Variants in IKBKE observed in about 807,000 individuals in gnomAD.
IKBKE encodes inhibitor of nuclear factor kappa-B kinase subunit epsilon.
Under a neutral mutation model 92.1 loss-of-function variants are expected in IKBKE, and 45 were observed. The ratio of observed to expected loss-of-function variants is 0.49; its 90% confidence interval spans 0.38 to 0.63. IKBKE has a LOEUF of 0.63. Among genes scored for constraint, IKBKE ranks in the 20% least tolerant of loss-of-function variants. The pLI is 0.00. For missense variants in IKBKE, 700 were observed against 932.8 expected, an observed-to-expected ratio of 0.75 and a Z score of 3.25; for synonymous variants, 374 against 380.3, an observed-to-expected ratio of 0.98 and a Z score of 0.19.
intron 5 of IKBKE, 126 bp downstream of exon 5, chr1:206,475,120 C>A: frequency 2.9e-6 from 3 of 1,052,406 alleles, no homozygotes; most frequent in Admixed American, 2.8e-5. Context: ...AAAAATTAAA[C>A]CTAAAAAAGA....
At chr1:206,492,713 T>C (rs1666014707) in intron 18 of IKBKE, 1 of 544,494 alleles carries the variant, frequency 1.8e-6, no homozygotes, top group Non-Finnish European at 3.6e-6. Flanking sequence ...CCTCTGCCTC[T>C]CTGCAGCCTG....
Position 206,493,987 on chromosome 1 carries a change from G to A in IKBKE, c.2113G>A (p.Glu705Lys), listed in dbSNP as rs1553391457. ...SDLLDNNRII[E>K]RLNRVPAPPD... The stretch of plus-strand genomic sequence containing the variant: ...CCTCCTGGACAACAACCGCATCATC[G>A]AACGGTAAGGAGCTTTCACCTTGTG... Residue 705 changes from glutamate (E) to lysine (K), a missense_variant, in exon 21 of 22, where the codon GAA (glutamate) becomes AAA (lysine). Transcript: ENST00000581977. 4 of 1,613,648 alleles carry A rather than the reference G, an allele frequency of 2.5e-6. No homozygotes were observed. The highest frequency in any genetic ancestry group is 2.5e-6 in the Non-Finnish European group (3 of 1,179,618).
intron 7 of IKBKE, among the ~76,000 whole-genome samples, chr1:206,477,285 A>C (rs1378353020): frequency 1.3e-5 from 2 of 152,018 alleles, no homozygotes; most frequent in Non-Finnish European, 2.9e-5. Flanking sequence ...AGAGCAGAGG[A>C]GATGTCAGCT....
At chr1:206,481,926 C>G (rs1414575859) in intron 13 of IKBKE, among the ~76,000 whole-genome samples, 1 of 151,468 alleles carries the variant, frequency 6.6e-6, no homozygotes, top group African/African-American at 2.4e-5. Flanking sequence ...ACTACAGGTG[C>G]CCGCCACTAC....
intron 18 of IKBKE, chr1:206,492,241 T>C (rs1665981837): frequency 5.5e-6 from 2 of 360,836 alleles, no homozygotes; most frequent in South Asian, 4.2e-5. Context: ...AGTAGAACCT[T>C]CTGTCACACT....
intron 5 of IKBKE, among the ~76,000 whole-genome samples, chr1:206,475,651 C>T (rs868927077): frequency 4.7e-5 from 7 of 150,410 alleles, no homozygotes; most frequent in African/African-American, 1.5e-4. Flanking sequence ...GCATGAGAAT[C>T]GATTGAACCT....
intron 10 of IKBKE, among the ~76,000 whole-genome samples, chr1:206,479,375 GA>G (rs1407290046): frequency 6.6e-6 from 1 of 152,162 alleles, no homozygotes; most frequent in Non-Finnish European, 1.5e-5. Flanking sequence ...AGCTCCAGTG[GA>G]AACAGGGAGA....
At position 206,496,217 on chromosome 1, in the gene IKBKE, C is replaced by A; in HGVS notation, c.*72C>A. 1 of 1,254,172 alleles carries A rather than the reference C, an allele frequency of 8.0e-7. No homozygotes were observed. The highest frequency in any genetic ancestry group is 1.2e-6 in the Non-Finnish European group (1 of 851,288). 77.7% of individuals were successfully genotyped at this position (1,254,172 alleles called of 1,614,324 possible). On this transcript the variant is annotated 3_prime_UTR_variant, in exon 22 of 22. Transcript: ENST00000581977. ...ACACTGCTCTTCTGCACCATGAGAC[C>A]AACCCAGGGCAAGATCCCATCCCAT... is the stretch of plus-strand genomic sequence containing the variant.
At position 206,485,001 on chromosome 1, in the gene IKBKE, A is replaced by G. The variant is rs1553388205; in HGVS notation, c.1432A>G (p.Ser478Gly). The G allele has an allele frequency of 6.2e-7, 1 of 1,613,820 alleles. No individual in the cohort carries two copies. Among genetic ancestry groups the G allele is most frequent in the East Asian group, 2.2e-5 (1 of 44,880 alleles). Residue 478 changes from serine (S) to glycine (G), a missense_variant, in exon 14 of 22, where the codon AGC (serine) becomes GGC (glycine). By Grantham distance (56) the Ser-to-Gly change is moderately conservative. Transcript: ENST00000581977. This position sits in a 1 kb window ranked among gnomAD's most constrained non-coding sequence, Gnocchi z 5.0. ...LSSSLGTERF[S>G]SVAGTPEIQE... ...TTTCTCTTTGCTTCCCTCAAGGTTC[A>G]GCAGCGTGGCTGGAACGCCTGAGAT...
chr1:206,480,653 C>T, intron 13 of IKBKE, 120 bp downstream of exon 13: 2 of 763,022 alleles, frequency 2.6e-6, no homozygotes, highest in South Asian at 3.1e-5. Context: ...CTTCCCTGCC[C>T]TCCTAGAATA....
In IKBKE at chr1:206,480,486, G is replaced by A. The variant is rs1553386781; in HGVS notation, c.1380G>A (p.Val460=). 1 of 1,613,850 alleles carries A rather than the reference G, an allele frequency of 6.2e-7. No individual in the cohort carries two copies. Among genetic ancestry groups the A allele is most frequent in the East Asian group, 2.2e-5 (1 of 44,876 alleles). Residue 460 remains valine (V), a synonymous_variant, in exon 13 of 22, where the codon GTG becomes GTA. Coordinates refer to ENST00000581977, the MANE Select transcript of IKBKE (RefSeq NM_014002.4). ...LQATCRRTLE[V]ARTSLLYLSS... is the part of the protein sequence containing the mutation. ...CCACATGCAGACGGACTCTGGAAGT[G>A]GCAAGGACATCCCTCCTCTACCTCA... is the stretch of plus-strand genomic sequence containing the variant.
intron 21 of IKBKE, among the ~76,000 whole-genome samples, chr1:206,494,986 T>TAA (rs33957066): frequency 9.4e-4 from 102 of 108,932 alleles, no homozygotes; most frequent in African/African-American, 1.2e-3. Context: ...ACATTTGAAG[T>TAA]AAAAAAAAAA....
intron 11 of IKBKE, 37 bp from the exon 12 acceptor site, chr1:206,479,985 G>A (rs2103462949): frequency 6.2e-7 from 1 of 1,612,676 alleles, no homozygotes; most frequent in East Asian, 2.2e-5. Context: ...AAGGGTAGGA[G>A]GTGTGGGACC....
At chr1:206,496,080 T>C in intron 21 of IKBKE, 32 bp from the exon 22 acceptor site, 1 of 1,600,430 alleles carries the variant, frequency 6.2e-7, no homozygotes, top group Non-Finnish European at 8.6e-7. Flanking sequence ...CTCCAACAGG[T>C]GGGCACTGCT....
At chr1:206,492,976 T>G in intron 18 of IKBKE, 47 bp from the exon 19 acceptor site, 1 of 1,501,030 alleles carries the variant, frequency 6.7e-7, no homozygotes, top group Non-Finnish European at 9.1e-7. Flanking sequence ...CCCTGGGGAA[T>G]GGGCTGAGTC....
rs782809498 is a variant in IKBKE at position 206,476,224 on chromosome 1, C to T, written c.402C>T (p.Arg134=). Residue 134 remains arginine (R), a synonymous_variant, in exon 6 of 22, where the codon CGC becomes CGT. Transcript: ENST00000581977. The surrounding 1 kb of genome is among the most constrained non-coding windows in gnomAD (Gnocchi z 5.1). The part of the protein sequence containing the change: ...NHLRENGIVH[R]DIKPGNIMRL... ...TGCGGGAGAACGGCATTGTGCATCG[C>T]GACATCAAGCCGGGGAACATCATGC... 1.3e-5 allele frequency: 21 copies of T among 1,614,020 alleles called. No homozygotes were observed. Among genetic ancestry groups the T allele is most frequent in the Admixed American group, 8.3e-5 (5 of 59,992 alleles).
chr1:206,480,226 G>A (rs1360284756), intron 12 of IKBKE, 113 bp downstream of exon 12: 2 of 492,480 alleles, frequency 4.1e-6, no homozygotes, highest in Admixed American at 6.8e-5. Flanking sequence ...AGGAAGTGGA[G>A]GTGAGCAGGA....
chr1:206,492,459 T>C (rs782185521), intron 18 of IKBKE: 34 of 471,252 alleles, frequency 7.2e-5, no homozygotes, highest in Non-Finnish European at 1.3e-4. Context: ...CTGCTTCTTC[T>C]ACTCCAACCC....
intron 18 of IKBKE, 106 bp downstream of exon 18, chr1:206,491,855 T>A: frequency 1.3e-6 from 1 of 775,666 alleles, no homozygotes; most frequent in Non-Finnish European, 2.3e-6. Flanking sequence ...GAGGAGTGAG[T>A]GAAGGGGTGT....
Sources: gnomAD v4.1 joint callset for allele counts (sites outside exome capture counted in the v4.1 genomes callset) on GRCh38, gnomAD v4.1.1 for gene constraint, Gnocchi (gnomAD v3.1) non-coding constraint, MANE v1.5 for transcripts, NCBI Gene and HGNC (gene_info 2026-07-23, HGNC 2026-07-21) for gene names.